RBFOX1: variants seen among roughly 807,000 people sequenced by gnomAD.
RBFOX1 encodes RNA binding fox-1 homolog 1.
RBFOX1 carries 8 observed loss-of-function variants against 57.7 expected under a neutral mutation model. That is an observed-to-expected ratio of 0.14 (90% confidence interval 0.08 to 0.25). The LOEUF is 0.25. Among genes scored for constraint, RBFOX1 ranks in the 10% least tolerant of loss-of-function variants. The pLI is 1.00. For synonymous variants in RBFOX1, 326 were observed against 222.4 expected (o/e 1.47, Z -4.15); for missense variants, 611 against 548.5 (o/e 1.11, Z -1.14).
At chr16:5,593,969 C>T (rs573298522) in intron 2 of RBFOX1, among the ~76,000 whole-genome samples, 13 of 152,220 alleles carry the variant, frequency 8.5e-5, no homozygotes, top group Admixed American at 5.9e-4. Context: ...CGTAGGAACC[C>T]GTGATACACC....
intron 3 of RBFOX1, among the ~76,000 whole-genome samples, chr16:6,676,409 C>A (rs958423958): frequency 1.3e-5 from 2 of 152,054 alleles, no homozygotes; most frequent in Admixed American, 1.3e-4. Flanking sequence ...CCAAGGTCAA[C>A]TCTCAATAGT....
At chr16:6,543,317 C>T (rs543734397) in intron 2 of RBFOX1, among the ~76,000 whole-genome samples, 1 of 152,222 alleles carries the variant, frequency 6.6e-6, no homozygotes, top group South Asian at 2.1e-4. Context: ...AGACTCTTTA[C>T]TGCTTGTGAC....
chr16:5,430,203 G>C (rs573246900), intron 1 of RBFOX1, among the ~76,000 whole-genome samples: 3 of 152,300 alleles, frequency 2.0e-5, no homozygotes, highest in Admixed American at 1.3e-4. Flanking sequence ...ATGGCAAGCA[G>C]ATAATGACAC....
intron 2 of RBFOX1, among the ~76,000 whole-genome samples, chr16:6,461,398 A>T (rs1272134434): frequency 6.6e-6 from 1 of 152,212 alleles, no homozygotes; most frequent in South Asian, 2.1e-4. Context: ...AGGGATTAAG[A>T]CTTCAACGTA....
At chr16:7,119,251 C>G (rs540952684) in intron 4 of RBFOX1, among the ~76,000 whole-genome samples, 1 of 152,102 alleles carries the variant, frequency 6.6e-6, no homozygotes, top group Non-Finnish European at 1.5e-5. Flanking sequence ...TGTGTCCATT[C>G]ACATATGCAT....
intron 2 of RBFOX1, among the ~76,000 whole-genome samples, chr16:5,470,758 G>A (rs768571583): frequency 2.0e-5 from 3 of 152,104 alleles, no homozygotes; most frequent in East Asian, 1.9e-4. Context: ...TGGTCTGTCC[G>A]CCTCTGCAGC....
chr16:6,424,723 A>G (rs765975282), intron 2 of RBFOX1, among the ~76,000 whole-genome samples: 5 of 152,148 alleles, frequency 3.3e-5, no homozygotes, highest in Non-Finnish European at 7.3e-5. Flanking sequence ...AGCAACCTCA[A>G]TGTTCAACTA....
intron 3 of RBFOX1, among the ~76,000 whole-genome samples, chr16:6,779,179 C>G (rs986525054): frequency 6.6e-5 from 10 of 152,030 alleles, no homozygotes; most frequent in Admixed American, 1.3e-4. Context: ...CTCAACTCCC[C>G]TTCCTTGCAT....
At chr16:5,605,876 G>A (rs945946674) in intron 3 of RBFOX1, among the ~76,000 whole-genome samples, 1 of 152,154 alleles carries the variant, frequency 6.6e-6, no homozygotes, top group African/African-American at 2.4e-5. Context: ...TGCCAACACA[G>A]ATGCTGTCCC....
intron 4 of RBFOX1, among the ~76,000 whole-genome samples, chr16:7,345,391 G>T (rs185598914): frequency 1.3e-5 from 2 of 152,194 alleles, no homozygotes; most frequent in Admixed American, 6.5e-5. Flanking sequence ...TAATAAGGCT[G>T]TTCGGGCAGC....
At chr16:5,751,417 G>A (rs550936565) in intron 3 of RBFOX1, among the ~76,000 whole-genome samples, 14 of 152,166 alleles carry the variant, frequency 9.2e-5, no homozygotes, top group East Asian at 5.8e-4. Flanking sequence ...GCAAGTGGGC[G>A]GATACCGTCT....
At chr16:6,113,690 T>A (rs535529592) in intron 1 of RBFOX1, among the ~76,000 whole-genome samples, 1 of 152,352 alleles carries the variant, frequency 6.6e-6, no homozygotes, top group East Asian at 1.9e-4. Flanking sequence ...AAGAAGAAGC[T>A]GAAACTGGAC....
chr16:6,855,651 T>TC (rs1555532956), intron 3 of RBFOX1, among the ~76,000 whole-genome samples: 12 of 64,290 alleles, frequency 1.9e-4, no homozygotes, highest in Admixed American at 1.1e-3. Context: ...AGACTCCATC[T>TC]CAAAAAAAAA....
intron 3 of RBFOX1, among the ~76,000 whole-genome samples, chr16:5,773,391 T>A (rs2054042952): frequency 6.6e-6 from 1 of 152,164 alleles, no homozygotes; most frequent in Non-Finnish European, 1.5e-5. Context: ...TACACACACA[T>A]TGTTTACATA....
At chr16:6,275,918 T>C (rs1335093203) in intron 1 of RBFOX1, among the ~76,000 whole-genome samples, 5 of 152,178 alleles carry the variant, frequency 3.3e-5, no homozygotes, top group African/African-American at 1.2e-4. Flanking sequence ...CCCTCCCCAG[T>C]TGATACGTGA....
intron 4 of RBFOX1, among the ~76,000 whole-genome samples, chr16:7,448,104 C>T (rs901718696): frequency 8.5e-5 from 13 of 152,238 alleles, no homozygotes; most frequent in African/African-American, 3.1e-4. Context: ...GCAGCATTTA[C>T]TTGAGACTCA....
At chr16:7,166,282 G>A (rs933376544) in intron 4 of RBFOX1, among the ~76,000 whole-genome samples, 1 of 151,328 alleles carries the variant, frequency 6.6e-6, no homozygotes, top group Non-Finnish European at 1.5e-5. Flanking sequence ...CCCAAGTGCT[G>A]GGATTATAGG....
intron 3 of RBFOX1, among the ~76,000 whole-genome samples, chr16:6,711,296 C>G (rs964191644): frequency 7.2e-5 from 11 of 152,146 alleles, no homozygotes; most frequent in African/African-American, 2.7e-4. Flanking sequence ...TGGCTTCTGT[C>G]TCACTGAGAA....
Position 6,950,016 on chromosome 16 carries a change from G to A in RBFOX1, c.-15-102041G>A, listed in dbSNP as rs145245915. On this transcript the variant is annotated intron_variant, in intron 3 of 15. Transcript: ENST00000550418. The stretch of plus-strand genomic sequence containing the variant: ...GGCTGGAGTGCAGTGGTGTGTTCTC[G>A]GCTCGCTGCAACGTCTGCCTCCTGG... Among the ~76,000 whole-genome samples the A allele has an allele frequency of 3.5e-3, 528 of 151,106 alleles. 1 individual carries two copies. The highest frequency in any genetic ancestry group is 0.012 in the African/African-American group (488 of 41,018).
Sources: gnomAD v4.1 joint callset for allele counts (sites outside exome capture counted in the v4.1 genomes callset) on GRCh38, gnomAD v4.1.1 for gene constraint, MANE v1.5 for transcripts, NCBI Gene and HGNC (gene_info 2026-07-23, HGNC 2026-07-21) for gene names.